The following VAV2 variants were observed in gnomAD, a reference collection of about 807,000 sequenced individuals.
VAV2 encodes guanine nucleotide exchange factor VAV2.
VAV2 carries 67 observed loss-of-function variants against 132.5 expected under a neutral mutation model. The observed-to-expected ratio is 0.51, with a 90% CI of 0.42 to 0.62. The LOEUF is 0.62. Ranked by LOEUF, VAV2 falls within the 20% of genes least tolerant of loss-of-function variation. VAV2 has a pLI of 0.00. For missense variants in VAV2, 938 were observed against 1,153.6 expected, an observed-to-expected ratio of 0.81 and a Z score of 2.71; for synonymous variants, 492 against 443.5, an observed-to-expected ratio of 1.11 and a Z score of -1.37.
Position 133,788,540 on chromosome 9 carries a change from C to A in VAV2, c.1275-54G>T. On this transcript the variant is annotated intron_variant, in intron 14 of 29. Transcript: ENST00000371850. This position sits in a 1 kb window ranked among gnomAD's most constrained non-coding sequence, Gnocchi z 5.3. Reference sequence around the variant, plus strand: ...GCACCCCAGCACTGTGTGCTCTGCTCCGAGGAGGCGGCAGGAGCTGAGCCT... The same window carrying A: ...GCACCCCAGCACTGTGTGCTCTGCTACGAGGAGGCGGCAGGAGCTGAGCCT... 6.4e-7 allele frequency: 1 copy of A among 1,573,762 alleles called. No individual in the cohort carries two copies. The highest frequency in any genetic ancestry group is 2.3e-5 in the East Asian group (1 of 43,812).
At chr9:133,937,507 A>ACAGT (rs1554813235) in intron 2 of VAV2, among the ~76,000 whole-genome samples, 1 of 149,426 alleles carries the variant, frequency 6.7e-6, no homozygotes, top group African/African-American at 2.5e-5. Flanking sequence ...TGTGCGTGTG[A>ACAGT]GTGTGTGTGC....
chr9:133,779,511 G>C (rs1357429602), intron 21 of VAV2, among the ~76,000 whole-genome samples: 1 of 152,270 alleles, frequency 6.6e-6, no homozygotes, highest in Admixed American at 6.5e-5. Context: ...AGTTTGCAGA[G>C]AACACGATGC....
At chr9:133,806,012 T>G (rs1835123877) in intron 9 of VAV2, 69 bp downstream of exon 9, 1 of 1,487,578 alleles carries the variant, frequency 6.7e-7, no homozygotes. Context: ...TACACAAGAG[T>G]TCCACTTGTG....
At position 133,918,224 on chromosome 9, in the gene VAV2, A is replaced by G. The variant is rs918755559; in HGVS notation, c.321+20879T>C. On this transcript the variant is annotated intron_variant, in intron 2 of 29. Transcript: ENST00000371850. The surrounding 1 kb of genome is among the most constrained non-coding windows in gnomAD (Gnocchi z 4.7). Reference sequence around the variant, plus strand: ...GAAACCGTCGGAAATGCTAAAGAGGACTCGGTGCCTCCAGCTCGGCTAGAA... The same window carrying G: ...GAAACCGTCGGAAATGCTAAAGAGGGCTCGGTGCCTCCAGCTCGGCTAGAA... Among the ~76,000 whole-genome samples, 5 of 152,144 alleles carry G rather than the reference A, an allele frequency of 3.3e-5. No homozygotes were observed. The highest frequency in any genetic ancestry group is 5.9e-5 in the Non-Finnish European group (4 of 68,028).
Position 133,806,138 on chromosome 9 carries a change from A to G in VAV2, c.779T>C (p.Val260Ala). Residue 260 changes from valine (V) to alanine (A), a missense_variant, in exon 9 of 30, where the codon GTG becomes GCG. Coordinates refer to ENST00000371850, the MANE Select transcript of VAV2 (RefSeq NM_001134398.2). ...VHHSFLRAID[V>A]SVMVGGSTLA... ...CGTGCTGCCCCCCACCATCACGGAC[A>G]CGTCGATGGCCCTCAGGAAGCTGTG... 9 of 1,612,982 alleles carry G rather than the reference A, an allele frequency of 5.6e-6. No individual in the cohort carries two copies. The highest frequency in any genetic ancestry group is 6.8e-6 in the Non-Finnish European group (8 of 1,179,980).
intron 2 of VAV2, among the ~76,000 whole-genome samples, chr9:133,874,401 C>T (rs1035514633): frequency 4.6e-5 from 7 of 152,104 alleles, no homozygotes; most frequent in African/African-American, 9.7e-5. Context: ...CAGGAAAAAG[C>T]GGGGATAAAG....
At chr9:133,871,441 G>T (rs1838042745) in intron 2 of VAV2, among the ~76,000 whole-genome samples, 1 of 142,580 alleles carries the variant, frequency 7.0e-6, no homozygotes, top group Admixed American at 6.9e-5. Context: ...TGGATTGATT[G>T]ATGGATGGAT....
intron 16 of VAV2, among the ~76,000 whole-genome samples, chr9:133,786,437 T>A (rs1230341198): frequency 6.6e-6 from 1 of 152,228 alleles, no homozygotes; most frequent in Non-Finnish European, 1.5e-5. Context: ...CACTCCTGCC[T>A]GCGCCCATGT....
At chr9:133,963,904 A>G (rs1775667045) in intron 1 of VAV2, among the ~76,000 whole-genome samples, 1 of 151,810 alleles carries the variant, frequency 6.6e-6, no homozygotes, top group South Asian at 2.1e-4. Context: ...TGAGTCCTAA[A>G]TGGAAAGTAT....
At chr9:133,901,813 C>G (rs1357821683) in intron 2 of VAV2, among the ~76,000 whole-genome samples, 3 of 152,244 alleles carry the variant, frequency 2.0e-5, no homozygotes, top group South Asian at 2.1e-4. Context: ...CGCCCACTGC[C>G]ACATTCTACC....
chr9:133,888,139 C>A (rs1230022999), intron 2 of VAV2, among the ~76,000 whole-genome samples: 4 of 152,192 alleles, frequency 2.6e-5, no homozygotes, highest in Non-Finnish European at 5.9e-5. Context: ...GACTCTCTTA[C>A]ATGAGGCCCC....
Position 133,763,889 on chromosome 9 carries a change from T to G in VAV2, c.*173A>C, listed in dbSNP as rs1833347321. On this transcript the variant is annotated 3_prime_UTR_variant, in exon 30 of 30. Transcript: ENST00000371850. The surrounding 1 kb of genome is among the most constrained non-coding windows in gnomAD (Gnocchi z 6.8). ...CAGTGATGGGTCGCCGAGGGCAGGC[T>G]GACAGTGAAACGGTTCGAGTTTAGG... is the stretch of plus-strand genomic sequence containing the variant. The G allele has an allele frequency of 2.6e-6, 2 of 759,558 alleles. No individual in the cohort carries two copies. The highest frequency in any genetic ancestry group is 5.4e-5 in the East Asian group (2 of 36,972). The allele number at this position is 759,558 out of a possible 1,614,324, so 47.1% of individuals were successfully genotyped here. A position where few individuals can be genotyped will look rare whatever the true frequency, so the allele number is the denominator to read the frequency against.
In VAV2 at chr9:133,912,879, A is replaced by C. The variant is rs1370121148; in HGVS notation, c.321+26224T>G. 6.6e-6 allele frequency among the ~76,000 whole-genome samples: 1 copy of C among 152,196 alleles called. No individual in the cohort carries two copies. Among genetic ancestry groups the C allele is most frequent in the Non-Finnish European group, 1.5e-5 (1 of 68,056 alleles). On this transcript the variant is annotated intron_variant, in intron 2 of 29. Transcript: ENST00000371850. This position sits in a 1 kb window ranked among gnomAD's most constrained non-coding sequence, Gnocchi z 4.3. ...CTCGTCCCAAACATAGCTTCTATTC[A>C]TCAGAATCAGGGCTCCTGATCCTGG...
intron 2 of VAV2, among the ~76,000 whole-genome samples, chr9:133,917,199 C>A (rs1840123891): frequency 1.3e-5 from 2 of 152,152 alleles, no homozygotes; most frequent in African/African-American, 4.8e-5. Context: ...GGGCCCTATC[C>A]CCGTCCTCCT....
At chr9:133,982,329 C>T (rs1268996111) in intron 1 of VAV2, among the ~76,000 whole-genome samples, 3 of 152,182 alleles carry the variant, frequency 2.0e-5, no homozygotes, top group Non-Finnish European at 2.9e-5. Context: ...CTGCAGCACA[C>T]GTGGCCGCAG....
intron 1 of VAV2, among the ~76,000 whole-genome samples, chr9:133,973,879 C>T (rs1282022631): frequency 6.6e-6 from 1 of 151,634 alleles, no homozygotes; most frequent in African/African-American, 2.4e-5. Flanking sequence ...CAGCTGACTG[C>T]TGGGAAAGAA....
chr9:133,959,564 C>A (rs552368622), intron 1 of VAV2, among the ~76,000 whole-genome samples: 1 of 152,188 alleles, frequency 6.6e-6, no homozygotes. Context: ...ACCGTCTGGA[C>A]GGAAGAAAGA....
chr9:133,844,112 G>T (rs999708832), intron 3 of VAV2, among the ~76,000 whole-genome samples: 1 of 152,236 alleles, frequency 6.6e-6, no homozygotes, highest in Non-Finnish European at 1.5e-5. Context: ...TCTCACAGGC[G>T]GAAAGAAATG....
chr9:133,838,635 G>C (rs1312496267), intron 3 of VAV2, among the ~76,000 whole-genome samples: 3 of 144,686 alleles, frequency 2.1e-5, no homozygotes, highest in African/African-American at 7.7e-5. Flanking sequence ...AAGTGGGTAG[G>C]TGAATGTATA....
Sources: gnomAD v4.1 joint callset for allele counts (sites outside exome capture counted in the v4.1 genomes callset) on GRCh38, gnomAD v4.1.1 for gene constraint, Gnocchi (gnomAD v3.1) non-coding constraint, MANE v1.5 for transcripts, NCBI Gene and HGNC (gene_info 2026-07-23, HGNC 2026-07-21) for gene names.